DISC1: variants seen among roughly 807,000 people sequenced by gnomAD.
The protein encoded by DISC1 is DISC1 scaffold protein.
A neutral mutation model predicts 84.5 loss-of-function variants in DISC1; 57 were observed. The ratio of observed to expected loss-of-function variants is 0.67; its 90% CI spans 0.55 to 0.84. DISC1 has a LOEUF of 0.84. DISC1 is among the 40% of genes least tolerant of loss of function. The pLI, the probability that DISC1 is intolerant of heterozygous loss-of-function variation, is 0.00. For missense variants in DISC1, 1,000 were observed against 1,057.8 expected (o/e 0.95, Z 0.76); for synonymous variants, 411 against 415.2 (o/e 0.99, Z 0.12).
At chr1:232,000,798 A>G (rs1052520304) in intron 10 of DISC1, among the ~76,000 whole-genome samples, 1 of 152,226 alleles carries the variant, frequency 6.6e-6, no homozygotes, top group African/African-American at 2.4e-5. Flanking sequence ...ATCAAATGAT[A>G]ATAGAAAAGA....
intron 8 of DISC1, among the ~76,000 whole-genome samples, chr1:231,808,955 T>A (rs2079997279): frequency 6.6e-6 from 1 of 152,146 alleles, no homozygotes; most frequent in Non-Finnish European, 1.5e-5. Context: ...CAGTCCTTTG[T>A]CCCTGGGCCA....
chr1:231,927,276 C>T (rs1178493995), intron 9 of DISC1, among the ~76,000 whole-genome samples: 1 of 152,202 alleles, frequency 6.6e-6, no homozygotes, highest in Non-Finnish European at 1.5e-5. Context: ...TGACCCAAAG[C>T]ATGAGGCACT....
chr1:231,738,991 C>T (rs1475724873), intron 3 of DISC1, among the ~76,000 whole-genome samples: 1 of 152,228 alleles, frequency 6.6e-6, no homozygotes, highest in Non-Finnish European at 1.5e-5. Context: ...GCCCTGGCCT[C>T]AGCCATTTCT....
chr1:232,035,301 T>A (rs1358034459), intron 12 of DISC1, among the ~76,000 whole-genome samples: 1 of 151,978 alleles, frequency 6.6e-6, no homozygotes, highest in Non-Finnish European at 1.5e-5. Context: ...AATACAAAAA[T>A]TAGCATGGTG....
At chr1:231,754,766 A>G (rs1460732699) in intron 4 of DISC1, among the ~76,000 whole-genome samples, 1 of 152,242 alleles carries the variant, frequency 6.6e-6, no homozygotes, top group Non-Finnish European at 1.5e-5. Flanking sequence ...TGACTGTTTG[A>G]AACCTGTCAA....
At chr1:231,732,074 T>C (rs1019459171) in intron 3 of DISC1, among the ~76,000 whole-genome samples, 7 of 152,214 alleles carry the variant, frequency 4.6e-5, no homozygotes, top group Non-Finnish European at 7.3e-5. Context: ...GTGAATACCT[T>C]GGACCCCTGC....
rs141406984 is a variant in DISC1, at chr1:231,959,876, C to T, written c.2042+988C>T. Reference sequence around the variant, plus strand: ...GATGCTCCGCTCTGAGTCTGGCCTTCCTCCTCTCGCATGTGTTCGGGGCAG... The same window carrying T: ...GATGCTCCGCTCTGAGTCTGGCCTTTCTCCTCTCGCATGTGTTCGGGGCAG... On this transcript the variant is annotated intron_variant, in intron 10 of 12. Coordinates refer to ENST00000439617, the MANE Select transcript of DISC1 (RefSeq NM_018662.3). 1.9e-3 allele frequency among the ~76,000 whole-genome samples: 282 copies of T among 152,324 alleles called. 4 individuals are homozygous for T. The highest frequency in any genetic ancestry group is 6.4e-3 in the African/African-American group (266 of 41,584).
At chr1:231,705,278 C>T (rs866695001) in intron 3 of DISC1, among the ~76,000 whole-genome samples, 4 of 108,476 alleles carry the variant, frequency 3.7e-5, no homozygotes, top group African/African-American at 1.5e-4. Flanking sequence ...ACAGTGGGAG[C>T]GAGACTCCAT....
intron 9 of DISC1, among the ~76,000 whole-genome samples, chr1:231,843,457 G>C (rs920510492): frequency 1.2e-4 from 19 of 152,086 alleles, no homozygotes; most frequent in African/African-American, 4.3e-4. Context: ...TTGCATTGGG[G>C]GGATGAAAAA....
chr1:231,755,059 T>C (rs1278335545), intron 4 of DISC1, among the ~76,000 whole-genome samples: 2 of 152,252 alleles, frequency 1.3e-5, no homozygotes, highest in African/African-American at 2.4e-5. Context: ...TATTCTGCTA[T>C]GTATCATGGC....
At chr1:231,948,006 G>A (rs530123472) in intron 9 of DISC1, among the ~76,000 whole-genome samples, 2 of 152,152 alleles carry the variant, frequency 1.3e-5, no homozygotes, top group African/African-American at 4.8e-5. Context: ...TTACACTGTT[G>A]GTGGGAGTGT....
intron 9 of DISC1, 143 bp downstream of exon 9, chr1:231,818,660 T>C: frequency 6.9e-7 from 1 of 1,453,758 alleles, no homozygotes; most frequent in Non-Finnish European, 9.1e-7. Context: ...GGGGACATTT[T>C]TGGCAGGTGC....
intron 1 of DISC1, among the ~76,000 whole-genome samples, chr1:231,677,232 C>A (rs150519279): frequency 1.3e-5 from 2 of 152,146 alleles, no homozygotes; most frequent in African/African-American, 4.8e-5. Context: ...CTCTTTACTG[C>A]ATTTTACTGT....
At chr1:231,815,738 CA>C (rs35447965) in intron 8 of DISC1, among the ~76,000 whole-genome samples, 310 of 136,184 alleles carry the variant, frequency 2.3e-3, no homozygotes, top group Admixed American at 3.4e-3. Flanking sequence ...AACTCTGTCT[CA>C]AAAAAAAAAA....
chr1:231,821,703 T>G (rs1279958789), intron 9 of DISC1, among the ~76,000 whole-genome samples: 1 of 148,054 alleles, frequency 6.8e-6, no homozygotes, highest in Admixed American at 6.8e-5. Context: ...TTTTACAGTT[T>G]GCTACATCTG....
At chr1:231,799,575 C>G (rs1218644775) in intron 7 of DISC1, among the ~76,000 whole-genome samples, 1 of 151,878 alleles carries the variant, frequency 6.6e-6, no homozygotes, top group Non-Finnish European at 1.5e-5. Context: ...GGCCTTTCCT[C>G]CCAGGCAGCG....
intron 6 of DISC1, among the ~76,000 whole-genome samples, chr1:231,789,158 G>T (rs1360952831): frequency 1.3e-5 from 2 of 152,210 alleles, no homozygotes; most frequent in African/African-American, 4.8e-5. Context: ...AGCTGTCAAT[G>T]GAGTAGTCAG....
At chr1:231,756,516 C>CGAGAGAGAGAGAGAGAGA (rs60818301) in intron 4 of DISC1, among the ~76,000 whole-genome samples, 15 of 133,526 alleles carry the variant, frequency 1.1e-4, no homozygotes, top group African/African-American at 2.9e-4. Context: ...ATGTGAATAT[C>CGAGAGAGAGAGAGAGAGA]GAGAGAGAGA....
chr1:231,762,049 A>G (rs2075708327), intron 4 of DISC1, among the ~76,000 whole-genome samples: 2 of 152,154 alleles, frequency 1.3e-5, no homozygotes, highest in Non-Finnish European at 1.5e-5. Flanking sequence ...TCTGATGCAT[A>G]TAAATATCCT....
Sources: allele counts gnomAD v4.1 joint callset (sites outside exome capture counted in the v4.1 genomes callset), GRCh38; gene constraint gnomAD v4.1.1; transcripts MANE v1.5; gene names NCBI Gene and HGNC (gene_info 2026-07-23, HGNC 2026-07-21).